Variants in DMD observed in about 807,000 individuals in gnomAD.
DMD encodes dystrophin, also known as mutant dystrophin.
A neutral mutation model predicts 330.1 loss-of-function variants in DMD; 63 were observed. That is an observed-to-expected ratio of 0.19 (90% CI 0.16 to 0.24). DMD has a LOEUF of 0.24. DMD is among the 10% of genes least tolerant of loss of function. The probability of loss-of-function intolerance (pLI) is 1.00; values close to 1 mark genes in which losing one functional copy is unlikely to be tolerated. For synonymous variants in DMD, 1,223 were observed against 959.8 expected, an observed-to-expected ratio of 1.27 and a Z score of -5.07; for missense variants, 3,344 against 2,684.1, an observed-to-expected ratio of 1.25 and a Z score of -5.43.
rs1160273314 is a variant in DMD, at chrX:33,009,211, C to A, written c.93+10928G>T. Among the ~76,000 whole-genome samples, 2 of 40,167 alleles carry A rather than the reference C, an allele frequency of 5.0e-5. 1 individual carries two copies. The highest frequency in any genetic ancestry group is 2.1e-4 in the African/African-American group (2 of 9,599). The allele number at this position is 40,167 out of a possible 115,157, so 34.9% of individuals were successfully genotyped here. On this transcript the variant is annotated intron_variant, in intron 2 of 78. Coordinates refer to ENST00000357033, the MANE Select transcript of DMD (RefSeq NM_004006.3). ...ATATATGTATATATGTGTATATATA[C>A]ACATATGTGCATATATGTGTATATA...
At chrX:31,701,444 A>T (rs2083802785) in intron 52 of DMD, among the ~76,000 whole-genome samples, 1 of 111,860 alleles carries the variant, frequency 8.9e-6, no homozygotes, top group Admixed American at 9.5e-5. Flanking sequence ...CTGTATTTCA[A>T]TTCTTCCTTA....
chrX:33,176,830 G>A (rs760119581), intron 1 of DMD, among the ~76,000 whole-genome samples: 6 of 111,168 alleles, frequency 5.4e-5, no homozygotes, highest in Admixed American at 3.8e-4. Flanking sequence ...CCAGCTACTC[G>A]GGAGGCTGAG....
intron 44 of DMD, among the ~76,000 whole-genome samples, chrX:32,071,513 T>TGGGGGGA (rs2096298268): frequency 5.6e-5 from 1 of 17,803 alleles, no homozygotes; most frequent in Non-Finnish European, 9.9e-5. Context: ...TGTTGTGGGG[T>TGGGGGGA]GGGGGGAGGG....
chrX:33,056,338 CT>C (rs34961557), intron 1 of DMD, among the ~76,000 whole-genome samples: 15 of 102,757 alleles, frequency 1.5e-4, no homozygotes, highest in Admixed American at 5.4e-4. Flanking sequence ...CCCCTGCGCT[CT>C]TTTTTTTTTC....
At chrX:31,609,115 T>G (rs2077765360) in intron 55 of DMD, among the ~76,000 whole-genome samples, 1 of 111,531 alleles carries the variant, frequency 9.0e-6, no homozygotes, top group Non-Finnish European at 1.9e-5. Context: ...CTGCTAAATT[T>G]AAGAAATAGA....
At chrX:31,338,967 A>C (rs1270447808) in intron 61 of DMD, among the ~76,000 whole-genome samples, 1 of 85,819 alleles carries the variant, frequency 1.2e-5, no homozygotes, top group Non-Finnish European at 2.3e-5. Context: ...AAAAAAAAAC[A>C]AAGTGCCCCA....
chrX:31,886,036 T>C (rs191351401), intron 47 of DMD, among the ~76,000 whole-genome samples: 5 of 110,858 alleles, frequency 4.5e-5, no homozygotes, highest in Non-Finnish European at 5.7e-5. Flanking sequence ...ATAGATAACA[T>C]AAGTTGTTAT....
chrX:31,167,748 T>A (rs1190527090), intron 74 of DMD, among the ~76,000 whole-genome samples: 1 of 112,020 alleles, frequency 8.9e-6, no homozygotes, highest in African/African-American at 3.2e-5. Context: ...CAATATTATC[T>A]CGTGGATGGT....
chrX:32,434,785 C>T (rs1200290029), intron 29 of DMD, among the ~76,000 whole-genome samples: 5 of 112,093 alleles, frequency 4.5e-5, no homozygotes, highest in Non-Finnish European at 9.4e-5. Context: ...AGTCCTATTA[C>T]TACACATTGT....
intron 7 of DMD, among the ~76,000 whole-genome samples, chrX:32,768,540 C>T (rs754434635): frequency 9.0e-6 from 1 of 111,695 alleles, no homozygotes; most frequent in Non-Finnish European, 1.9e-5. Context: ...AGCATGGTTA[C>T]CACAATAAAT....
At chrX:31,229,485 T>C (rs760163349) in intron 63 of DMD, among the ~76,000 whole-genome samples, 3 of 111,873 alleles carry the variant, frequency 2.7e-5, no homozygotes, top group Non-Finnish European at 3.8e-5. Flanking sequence ...CTCATTAACT[T>C]TATGAGTGGA....
chrX:32,546,223 AGAGCTCCTCTCAT>A (rs1370784300), intron 16 of DMD, among the ~76,000 whole-genome samples: 1 of 105,435 alleles, frequency 9.5e-6, no homozygotes, highest in African/African-American at 3.5e-5. Context: ...TCCGTCTCAC[AGAGCTCCTCTCAT>A]GACGATTGTA....
chrX:32,880,818 C>T (rs2083866248), intron 2 of DMD, among the ~76,000 whole-genome samples: 1 of 112,193 alleles, frequency 8.9e-6, no homozygotes, highest in Non-Finnish European at 1.9e-5. Flanking sequence ...GTGACGCATG[C>T]CTGTAATCCC....
At position 32,483,164 on chromosome X, in the gene DMD, T is replaced by TATATATATATATATATATATATACAC. The variant is rs1481445275; in HGVS notation, c.2803+1754_2803+1755insGTGTATATATATATATATATATATAT. Among the ~76,000 whole-genome samples, 64 of 61,611 alleles carry TATATATATATATATATATATATACAC rather than the reference T, an allele frequency of 1.0e-3. 3 individuals carry two copies. Among genetic ancestry groups the TATATATATATATATATATATATACAC allele is most frequent in the Admixed American group, 3.0e-3 (13 of 4,341 alleles). The allele number at this position is 61,611 out of a possible 115,157, so 53.5% of individuals were successfully genotyped here. On this transcript the variant is annotated intron_variant, in intron 21 of 78. Coordinates refer to ENST00000357033, the MANE Select transcript of DMD (RefSeq NM_004006.3). ...TTCATTCCATATATATATATATATA[T>TATATATATATATATATATATATACAC]ACACCATATTTAATTAAAGGGTTAT...
intron 54 of DMD, among the ~76,000 whole-genome samples, chrX:31,629,444 T>C (rs1472400257): frequency 9.0e-6 from 1 of 111,313 alleles, no homozygotes; most frequent in African/African-American, 3.3e-5. Flanking sequence ...GAGGGTAGAA[T>C]AGGTTTATGA....
At chrX:31,772,292 C>G (rs1206185627) in intron 51 of DMD, among the ~76,000 whole-genome samples, 1 of 111,889 alleles carries the variant, frequency 8.9e-6, no homozygotes, top group Non-Finnish European at 1.9e-5. Flanking sequence ...GCTAGATAAA[C>G]TTGGGCTCAG....
chrX:32,408,937 CATCT>C (rs2098131012), intron 30 of DMD, among the ~76,000 whole-genome samples: 1 of 108,598 alleles, frequency 9.2e-6, no homozygotes, highest in Admixed American at 1.0e-4. Context: ...TACATCCATC[CATCT>C]ATCCACCCCA....
At chrX:31,810,045 T>C (rs1180339378) in intron 50 of DMD, among the ~76,000 whole-genome samples, 3 of 105,667 alleles carry the variant, frequency 2.8e-5, no homozygotes, top group African/African-American at 1.0e-4. Flanking sequence ...ATCTGTAAAA[T>C]ATATGTTCAC....
intron 52 of DMD, among the ~76,000 whole-genome samples, chrX:31,694,617 C>CATATATATGTAT (rs1556821029): frequency 1.7e-5 from 1 of 58,188 alleles, no homozygotes; most frequent in African/African-American, 7.5e-5. Context: ...TGACAAACAG[C>CATATATATGTAT]ATATATATAT....
Sources: gnomAD v4.1 joint callset for allele counts (sites outside exome capture counted in the v4.1 genomes callset) on GRCh38, gnomAD v4.1.1 for gene constraint, MANE v1.5 for transcripts, NCBI Gene and HGNC (gene_info 2026-07-23, HGNC 2026-07-21) for gene names.